Variants in USP45 observed in about 807,000 individuals in gnomAD.
The protein encoded by USP45 is ubiquitin specific peptidase 45, also known as ubiquitin carboxyl-terminal hydrolase 45.
A neutral mutation model predicts 95.8 loss-of-function variants in USP45; 89 were observed. The observed-to-expected ratio is 0.93, with a 90% CI of 0.78 to 1.11. The LOEUF is 1.11. USP45 is among the 50% of genes least tolerant of loss of function. The pLI, the probability that USP45 is intolerant of heterozygous loss-of-function variation, is 0.00. For missense variants in USP45, 898 were observed against 942.5 expected (o/e 0.95, Z 0.62); for synonymous variants, 281 against 316.2 (o/e 0.89, Z 1.18).
chr6:99,458,569 C>G (rs1018515797), intron 13 of USP45, among the ~76,000 whole-genome samples: 1 of 152,160 alleles, frequency 6.6e-6, no homozygotes, highest in East Asian at 1.9e-4. Flanking sequence ...CCCATTTCTG[C>G]CAGACTACTT....
At chr6:99,508,851 C>A in intron 2 of USP45, 69 bp from the exon 3 acceptor site, 2 of 1,379,954 alleles carry the variant, frequency 1.4e-6, no homozygotes, top group Admixed American at 2.6e-5. Context: ...ACTGAGCAAA[C>A]CTCAAAAGTA....
In USP45 at chr6:99,510,241, T is replaced by C. The variant is rs760643271; in HGVS notation, c.-10-11A>G. ...CGCATCTGTTATTTACTGAAGGGAT[T>C]GAGGGAAAAAAATTCATACATTTTA... On this transcript the variant is annotated splice_polypyrimidine_tract_variant and intron_variant, in intron 1 of 17. Coordinates refer to ENST00000500704, the MANE Select transcript of USP45 (RefSeq NM_001346022.3). 5.0e-6 allele frequency: 8 copies of C among 1,585,132 alleles called. No homozygotes were observed. The African/African-American group carries it at 8.1e-5, about 16-fold the overall frequency.
chr6:99,508,702 C>A lies in USP45; in HGVS notation c.181G>T (p.Val61Phe), dbSNP rs552411764. 20 of 1,613,798 alleles carry A rather than the reference C, an allele frequency of 1.2e-5. No individual in the cohort carries two copies. In the South Asian group the frequency reaches 1.8e-4, roughly 14 times the overall value. Residue 61 changes from valine (V) to phenylalanine (F), a missense_variant, in exon 3 of 18, where the codon GTT becomes TTT. Physicochemically the swap from Val to Phe is conservative, Grantham distance 50. Transcript: ENST00000500704. Reference protein sequence around the residue: ...KRAIAENLWSVCSECLKERRF... With the variant: ...KRAIAENLWSFCSECLKERRF... ...CTTTCTTTTAAACATTCTGAGCAAA[C>A]TGACCACAGATTCTCAGCTATTGCT...
At chr6:99,487,633 C>CAAAAAAAAAAAAAAAAAAAAAAAAAA (rs11335830) in intron 7 of USP45, among the ~76,000 whole-genome samples, 1 of 106,390 alleles carries the variant, frequency 9.4e-6, no homozygotes, top group Non-Finnish European at 1.9e-5. Flanking sequence ...ACTAAAAATA[C>CAAAAAAAAAAAAAAAAAAAAAAAAAA]AAAAAAAAAA....
chr6:99,455,434 G>A (rs1784830922), intron 13 of USP45, among the ~76,000 whole-genome samples: 1 of 150,474 alleles, frequency 6.6e-6, no homozygotes, highest in Admixed American at 6.7e-5. Flanking sequence ...CTGGGCGATG[G>A]AGCGAGACTC....
chr6:99,515,469 G>A (rs1252173969), upstream of USP45: 1 of 152,284 alleles, frequency 6.6e-6, no homozygotes, highest in Non-Finnish European at 1.5e-5. Flanking sequence ...GCAGAGGTGG[G>A]GCCTCGTTCG....
At chr6:99,497,402 A>C (rs1170280676) in intron 5 of USP45, among the ~76,000 whole-genome samples, 3 of 152,170 alleles carry the variant, frequency 2.0e-5, no homozygotes, top group East Asian at 3.8e-4. Context: ...TGTAGTATTA[A>C]TGTAATCTGC....
intron 9 of USP45, among the ~76,000 whole-genome samples, chr6:99,473,249 T>C (rs897453274): frequency 3.3e-5 from 5 of 152,126 alleles, no homozygotes; most frequent in Middle Eastern, 3.4e-3. Context: ...TCAAAAAACA[T>C]TCACAGGGAG....
At chr6:99,483,245 T>C (rs1792870558) in intron 7 of USP45, among the ~76,000 whole-genome samples, 1 of 152,142 alleles carries the variant, frequency 6.6e-6, no homozygotes, top group African/African-American at 2.4e-5. Flanking sequence ...GTAAATAATG[T>C]ATGATTATTT....
At position 99,464,078 on chromosome 6, in the gene USP45, G is replaced by A. The variant is rs576836872; in HGVS notation, c.1308+526C>T. Among the ~76,000 whole-genome samples, 288 of 151,994 alleles carry A rather than the reference G, an allele frequency of 1.9e-3. 2 individuals are homozygous for A. Among genetic ancestry groups the A allele is most frequent in the African/African-American group, 6.1e-3 (253 of 41,460 alleles). On this transcript the variant is annotated intron_variant, in intron 13 of 17. Transcript: ENST00000500704. ...TCCCAGCGCTTTGGGAGGCCGAGGC[G>A]GGCAGATCACCTGAGGTCAGGAGTT...
At chr6:99,446,509 T>C (rs759311297) in intron 13 of USP45, 46 bp from the exon 14 acceptor site, 15 of 1,498,720 alleles carry the variant, frequency 1.0e-5, no homozygotes, top group Admixed American at 6.4e-5. Context: ...TGTAACCTCA[T>C]TGAAAATAAA....
intron 15 of USP45, among the ~76,000 whole-genome samples, chr6:99,441,733 G>A (rs1158779213): frequency 6.6e-6 from 1 of 152,068 alleles, no homozygotes; most frequent in Non-Finnish European, 1.5e-5. Flanking sequence ...TCTTTTGCTG[G>A]GAAGGATGGA....
chr6:99,483,484 T>G (rs926163756), intron 7 of USP45, among the ~76,000 whole-genome samples: 4 of 152,274 alleles, frequency 2.6e-5, no homozygotes, highest in Middle Eastern at 3.4e-3. Context: ...CCAATAACAC[T>G]TTCTCCTAAA....
intron 12 of USP45, 113 bp from the exon 13 acceptor site, chr6:99,464,860 A>C (rs1201365063): frequency 7.9e-7 from 1 of 1,263,936 alleles, no homozygotes; most frequent in African/African-American, 1.5e-5. Context: ...AAATTATCAA[A>C]ATAAAAAGTG....
In USP45 at chr6:99,459,214, C is replaced by T. The variant is rs191983578; in HGVS notation, c.1308+5390G>A. On this transcript the variant is annotated intron_variant, in intron 13 of 17. Transcript: ENST00000500704. ...AAGTGTACTCAATGTTTAGCTCCCA[C>T]TTATAAGTGAGAACTTGTGGTATTT... Among the ~76,000 whole-genome samples, 343 of 152,288 alleles carry T rather than the reference C, an allele frequency of 2.3e-3. 2 individuals are homozygous for T. Among genetic ancestry groups the T allele is most frequent in the African/African-American group, 7.8e-3 (323 of 41,558 alleles).
chr6:99,456,620 T>A (rs1785148758), intron 13 of USP45, among the ~76,000 whole-genome samples: 1 of 152,186 alleles, frequency 6.6e-6, no homozygotes, highest in African/African-American at 2.4e-5. Flanking sequence ...ACTTCCCCAA[T>A]CAATACCCTT....
At chr6:99,463,158 G>A (rs940658312) in intron 13 of USP45, among the ~76,000 whole-genome samples, 7 of 151,522 alleles carry the variant, frequency 4.6e-5, no homozygotes, top group South Asian at 4.2e-4. Flanking sequence ...TGAAATAATA[G>A]GTCTAGACAA....
At chr6:99,491,628 T>C (rs546237120) in intron 5 of USP45, among the ~76,000 whole-genome samples, 1 of 152,360 alleles carries the variant, frequency 6.6e-6, no homozygotes, top group South Asian at 2.1e-4. Flanking sequence ...AAATTCATTG[T>C]CATTTTACCA....
chr6:99,467,735 G>C (rs1188983878), intron 10 of USP45, among the ~76,000 whole-genome samples: 1 of 151,886 alleles, frequency 6.6e-6, no homozygotes, highest in Non-Finnish European at 1.5e-5. Flanking sequence ...AAAAGAACAA[G>C]GCATATTTGA....
Sources: gnomAD v4.1 joint callset for allele counts (sites outside exome capture counted in the v4.1 genomes callset) on GRCh38, gnomAD v4.1.1 for gene constraint, MANE v1.5 for transcripts, NCBI Gene and HGNC (gene_info 2026-07-23, HGNC 2026-07-21) for gene names.